The following JADE2 variants were observed in gnomAD, a reference collection of about 807,000 sequenced individuals.
The protein encoded by JADE2 is E3 ubiquitin-protein ligase Jade-2.
Under a neutral mutation model 85.7 loss-of-function variants are expected in JADE2, and 13 were observed. The observed-to-expected ratio is 0.15, with a 90% CI of 0.10 to 0.24. JADE2 has a LOEUF of 0.24. JADE2 is among the 10% of genes least tolerant of loss of function. JADE2 has a pLI of 1.00. For synonymous variants in JADE2, 440 were observed against 456.1 expected (o/e 0.96, Z 0.45); for missense variants, 846 against 1,115.9 (o/e 0.76, Z 3.45).
intron 4 of JADE2, among the ~76,000 whole-genome samples, chr5:134,553,570 TCTCGAG>T (rs1167027041): frequency 6.6e-6 from 1 of 152,096 alleles, no homozygotes; most frequent in African/African-American, 2.4e-5. Context: ...GCCAGGCTGG[TCTCGAG>T]CTCCTGACCT....
chr5:134,526,475 G>T (rs1236718045), intron 1 of JADE2: 6 of 985,138 alleles, frequency 6.1e-6, no homozygotes, highest in Non-Finnish European at 7.2e-6. Context: ...CGAGAACCTG[G>T]AGCTATCTGC....
chr5:134,529,260 C>T (rs1761073649), intron 1 of JADE2, among the ~76,000 whole-genome samples: 1 of 152,070 alleles, frequency 6.6e-6, no homozygotes, highest in Non-Finnish European at 1.5e-5. Flanking sequence ...ATACCCCTGG[C>T]TTGCCCTGTC....
In JADE2 at chr5:134,578,609, G is replaced by A. The variant is rs768825714; in HGVS notation, c.1797G>A (p.Gly599=). ...MAMSEWPLNN[G]HREDPAPGLL... ...TGAGCGAGTGGCCACTGAACAATGG[G>A]CACCGCGAGGACCCTGCTCCAGGGC... is the stretch of plus-strand genomic sequence containing the variant. Residue 599 remains glycine, a synonymous_variant, in exon 12 of 12, where the codon GGG becomes GGA. Coordinates refer to ENST00000681547, the MANE Select transcript of JADE2 (RefSeq NM_001388185.1). This position sits in a 1 kb window ranked among gnomAD's most constrained non-coding sequence, Gnocchi z 4.4. 105 of 1,614,042 alleles carry A rather than the reference G, an allele frequency of 6.5e-5. No individual in the cohort carries two copies. Among genetic ancestry groups the A allele is most frequent in the Admixed American group, 1.2e-4 (7 of 60,008 alleles).
chr5:134,525,551 A>T, upstream of JADE2: 1 of 421,420 alleles, frequency 2.4e-6, no homozygotes, highest in Non-Finnish European at 3.8e-6. Flanking sequence ...CCGAGTGAAT[A>T]AGAAAAAAGT....
intron 3 of JADE2, 49 bp from the exon 4 acceptor site, chr5:134,552,003 C>T (rs1484632265): frequency 6.2e-7 from 1 of 1,600,282 alleles, no homozygotes; most frequent in East Asian, 2.2e-5. Context: ...GTGGGGCAGA[C>T]TGCCCTGAGG....
chr5:134,562,990 T>C lies in JADE2; in HGVS notation c.852+623T>C, dbSNP rs933162382. On this transcript the variant is annotated intron_variant, in intron 7 of 11. Transcript: ENST00000681547. This position sits in a 1 kb window ranked among gnomAD's most constrained non-coding sequence, Gnocchi z 4.6. ...AGGGGAAAGCAGGTTGTGGGGTCCA[T>C]CTAAACCTTAGCAGTTGTTCCAACC... Among the ~76,000 whole-genome samples the C allele has an allele frequency of 6.6e-6, 1 of 152,084 alleles. No individual in the cohort carries two copies. The highest frequency in any genetic ancestry group is 2.4e-5 in the African/African-American group (1 of 41,414).
At chr5:134,541,154 A>G (rs1354342648) in intron 3 of JADE2, among the ~76,000 whole-genome samples, 1 of 152,202 alleles carries the variant, frequency 6.6e-6, no homozygotes, top group Non-Finnish European at 1.5e-5. Flanking sequence ...TAGAAGGGCC[A>G]ATGAAGTCCT....
chr5:134,560,541 C>T (rs777140424), intron 5 of JADE2, among the ~76,000 whole-genome samples: 1 of 152,220 alleles, frequency 6.6e-6, no homozygotes, highest in Non-Finnish European at 1.5e-5. Context: ...AACTCCAGGA[C>T]AGGTCAGGGG....
At chr5:134,524,645 T>C (rs79790113), upstream of JADE2, among the ~76,000 whole-genome samples, 6 of 151,872 alleles carry the variant, frequency 4.0e-5, no homozygotes, top group East Asian at 1.2e-3. Context: ...CACCCGCTCA[T>C]CACTGCCTTC....
intron 9 of JADE2, among the ~76,000 whole-genome samples, chr5:134,571,796 T>C (rs1279881182): frequency 6.6e-6 from 1 of 152,216 alleles, no homozygotes; most frequent in Admixed American, 6.5e-5. Context: ...CACTCCTCAC[T>C]GCTCCCTTCA....
intron 3 of JADE2, among the ~76,000 whole-genome samples, chr5:134,540,349 G>C (rs1460156575): frequency 6.6e-6 from 1 of 151,750 alleles, no homozygotes. Context: ...TTCCCGAGTA[G>C]CTAGAACTAC....
rs1763370045 is a variant in JADE2, at chr5:134,562,246, G to A, written c.731G>A (p.Arg244Gln). 1 of 1,613,966 alleles carries A rather than the reference G, an allele frequency of 6.2e-7. No homozygotes were observed. The highest frequency in any genetic ancestry group is 8.5e-7 in the Non-Finnish European group (1 of 1,179,944). ...GTGCCCACGGGCAGCTGGCTGTGCC[G>A]GACGTGTGCCCTGGGTGTCCAGCCA... ...LKVPTGSWLC[R>Q]TCALGVQPKC... Residue 244 changes from arginine (R) to glutamine (Q), a missense_variant, in exon 7 of 12, where the codon CGG becomes CAG. Arg to Gln is a conservative substitution (Grantham distance 43, BLOSUM62 1). Transcript: ENST00000681547. This position sits in a 1 kb window ranked among gnomAD's most constrained non-coding sequence, Gnocchi z 4.6.
intron 3 of JADE2, 69 bp downstream of exon 3, chr5:134,538,152 A>G (rs1761723438): frequency 3.9e-6 from 5 of 1,297,878 alleles, no homozygotes; most frequent in Admixed American, 3.5e-5. Context: ...AGACTGGGGC[A>G]GAGCATTCCT....
At chr5:134,536,617 T>C (rs901268383) in intron 2 of JADE2, 6 of 152,228 alleles carry the variant, frequency 3.9e-5, no homozygotes, top group African/African-American at 1.4e-4. Context: ...GCTCTGGTAC[T>C]AGGTCATAAG....
At position 134,534,474 on chromosome 5, in the gene JADE2, G is replaced by A. The variant is rs114591060; in HGVS notation, c.1-1384G>A. Among the ~76,000 whole-genome samples, 568 of 152,242 alleles carry A rather than the reference G, an allele frequency of 3.7e-3. 2 individuals carry two copies. Among genetic ancestry groups the A allele is most frequent in the African/African-American group, 0.013 (520 of 41,530 alleles). On this transcript the variant is annotated intron_variant, in intron 1 of 11. Coordinates refer to ENST00000681547, the MANE Select transcript of JADE2 (RefSeq NM_001388185.1). ...TCCTGCCATCCTGGTCCTGCTGGTG[G>A]TGGGCACTGGGGTAGAGAGAAGCTC... is the stretch of plus-strand genomic sequence containing the variant.
At position 134,566,647 on chromosome 5, in the gene JADE2, C is replaced by T. The variant is rs936230780; in HGVS notation, c.1434+67C>T. 2 of 1,198,012 alleles carry T rather than the reference C, an allele frequency of 1.7e-6. No individual in the cohort carries two copies. The highest frequency in any genetic ancestry group is 1.5e-5 in the African/African-American group (1 of 65,698). 74.2% of individuals were successfully genotyped at this position (1,198,012 alleles called of 1,614,324 possible). Reference sequence around the variant, plus strand: ...CCAGGAGTCCTTTCCATGCCACACTCACTGCCCTGGAGCAGCTAGGACTCA... The same window carrying T: ...CCAGGAGTCCTTTCCATGCCACACTTACTGCCCTGGAGCAGCTAGGACTCA... On this transcript the variant is annotated intron_variant, in intron 9 of 11. Coordinates refer to ENST00000681547, the MANE Select transcript of JADE2 (RefSeq NM_001388185.1). The surrounding 1 kb of genome is among the most constrained non-coding windows in gnomAD (Gnocchi z 6.7).
At position 134,566,006 on chromosome 5, in the gene JADE2, T is replaced by C. The variant is rs969438385; in HGVS notation, c.970-110T>C. On this transcript the variant is annotated intron_variant, in intron 8 of 11. Transcript: ENST00000681547. The surrounding 1 kb of genome is among the most constrained non-coding windows in gnomAD (Gnocchi z 6.7). ...GGGAGCCCATGCCATTCTGTTTAGG[T>C]TCTCTCCAGCATTGCGCATTCTCAG... 3.2e-6 allele frequency: 3 copies of C among 929,500 alleles called. No individual in the cohort carries two copies. Among genetic ancestry groups the C allele is most frequent in the African/African-American group, 3.3e-5 (2 of 60,282 alleles). The allele number at this position is 929,500 out of a possible 1,614,324, so 57.6% of individuals were successfully genotyped here. A position where few individuals can be genotyped will look rare whatever the true frequency, so the allele number is the denominator to read the frequency against.
intron 4 of JADE2, among the ~76,000 whole-genome samples, chr5:134,552,926 T>G (rs1762676810): frequency 6.6e-6 from 1 of 151,422 alleles, no homozygotes; most frequent in African/African-American, 2.4e-5. Context: ...GTCCACCGCC[T>G]TGGCTGGCCT....
chr5:134,577,126 A>C lies in JADE2; in HGVS notation c.1681+230A>C, dbSNP rs146801113. ...ATGCCCCGTCTGTAGACCTGGATGGAGGCTGGGCCACGCCCACTCAGGAAC... is the reference window on the plus strand; with the variant it reads ...ATGCCCCGTCTGTAGACCTGGATGGCGGCTGGGCCACGCCCACTCAGGAAC... On this transcript the variant is annotated intron_variant, in intron 11 of 11. Transcript: ENST00000681547. 1,572 of 506,228 alleles carry C rather than the reference A, an allele frequency of 3.1e-3. 19 individuals are homozygous for C. Among genetic ancestry groups the C allele is most frequent in the African/African-American group, 0.027 (1,337 of 50,114 alleles). The allele number at this position is 506,228 out of a possible 1,614,324, so 31.4% of individuals were successfully genotyped here.
Sources: gnomAD v4.1 joint callset for allele counts (sites outside exome capture counted in the v4.1 genomes callset) on GRCh38, gnomAD v4.1.1 for gene constraint, Gnocchi (gnomAD v3.1) non-coding constraint, MANE v1.5 for transcripts, NCBI Gene and HGNC (gene_info 2026-07-23, HGNC 2026-07-21) for gene names.